MACROD2: variants seen among roughly 807,000 people sequenced by gnomAD.
MACROD2 encodes the protein ADP-ribose glycohydrolase MACROD2.
A neutral mutation model predicts 70.4 loss-of-function variants in MACROD2; 36 were observed. The observed-to-expected ratio is 0.51, with a 90% confidence interval of 0.39 to 0.68. The LOEUF (loss-of-function observed/expected upper bound fraction) is 0.68, where lower values mean the gene tolerates loss of function less well. Ranked by LOEUF, MACROD2 falls within the 30% of genes least tolerant of loss-of-function variation. The probability of loss-of-function intolerance (pLI) is 0.00; values close to 1 mark genes in which losing one functional copy is unlikely to be tolerated. For missense variants in MACROD2, 496 were observed against 538.4 expected (o/e 0.92, Z 0.78); for synonymous variants, 172 against 178.8 (o/e 0.96, Z 0.30).
intron 5 of MACROD2, among the ~76,000 whole-genome samples, chr20:15,180,866 T>G (rs922377369): frequency 2.0e-5 from 3 of 152,232 alleles, no homozygotes; most frequent in Non-Finnish European, 2.9e-5. Context: ...TTTTTTCTAG[T>G]TATAATCATC....
chr20:15,507,568 C>T (rs1244006630), intron 8 of MACROD2, among the ~76,000 whole-genome samples: 3 of 151,114 alleles, frequency 2.0e-5, no homozygotes, highest in Non-Finnish European at 4.4e-5. Context: ...CAGACAATCC[C>T]TTATCACTCT....
chr20:15,280,397 A>G (rs149861400), intron 6 of MACROD2, among the ~76,000 whole-genome samples: 1 of 152,198 alleles, frequency 6.6e-6, no homozygotes, highest in Non-Finnish European at 1.5e-5. Context: ...TTCTGCAGAC[A>G]TCTCAGTTAA....
Position 15,844,688 on chromosome 20 carries a change from A to T in MACROD2, c.646-18057A>T, listed in dbSNP as rs79270168. On this transcript the variant is annotated intron_variant, in intron 8 of 17. Transcript: ENST00000684519. ...AAACAAGACAATTTCTGTCGTACAC[A>T]TCCTGTGTCCTTCTCAACCCCCACC... Among the ~76,000 whole-genome samples, 390 of 152,246 alleles carry T rather than the reference A, an allele frequency of 2.6e-3. 1 individual carries two copies. The highest frequency in any genetic ancestry group is 9.1e-3 in the African/African-American group (378 of 41,564).
chr20:15,303,156 T>C (rs939713019), intron 6 of MACROD2, among the ~76,000 whole-genome samples: 3 of 152,200 alleles, frequency 2.0e-5, no homozygotes, highest in African/African-American at 7.2e-5. Context: ...GCAAACTAAT[T>C]TTTCTCTTTG....
chr20:15,494,764 C>T (rs2145011), intron 7 of MACROD2, among the ~76,000 whole-genome samples: 32,220 of 85,516 alleles, frequency 0.38, 4,319 homozygotes, highest in African/African-American at 0.45. Context: ...TGTGTGTGTG[C>T]GCGTGTGTGT....
At chr20:15,385,992 T>TA (rs1190582860) in intron 6 of MACROD2, among the ~76,000 whole-genome samples, 1 of 152,162 alleles carries the variant, frequency 6.6e-6, no homozygotes, top group East Asian at 1.9e-4. Context: ...TGAAAACTGA[T>TA]ACTTGAGGGT....
chr20:15,782,717 CAAAAAAAAAA>C (rs11472322), intron 8 of MACROD2, among the ~76,000 whole-genome samples: 7 of 83,358 alleles, frequency 8.4e-5, no homozygotes, highest in Non-Finnish European at 2.4e-5. Flanking sequence ...AGAGAAATGG[CAAAAAAAAAA>C]AAAAAAAAAA....
chr20:15,026,395 T>C (rs1030264484), intron 5 of MACROD2, among the ~76,000 whole-genome samples: 3 of 152,126 alleles, frequency 2.0e-5, no homozygotes, highest in Admixed American at 2.0e-4. Context: ...ATTTCCACAC[T>C]AATTTAAAAT....
intron 8 of MACROD2, among the ~76,000 whole-genome samples, chr20:15,812,844 A>G (rs755485823): frequency 1.3e-5 from 2 of 152,206 alleles, no homozygotes; most frequent in Non-Finnish European, 2.9e-5. Context: ...TTCTAGAGCC[A>G]CATTTTTTAC....
At chr20:15,879,863 G>A (rs1379477947) in intron 9 of MACROD2, among the ~76,000 whole-genome samples, 16 of 152,148 alleles carry the variant, frequency 1.1e-4, no homozygotes, top group East Asian at 9.7e-4. Flanking sequence ...GGAACCAACC[G>A]TGTAGTTGTA....
At chr20:15,839,672 A>G (rs1030281353) in intron 8 of MACROD2, among the ~76,000 whole-genome samples, 3 of 152,154 alleles carry the variant, frequency 2.0e-5, no homozygotes, top group African/African-American at 4.8e-5. Flanking sequence ...TCAGCTGACC[A>G]CATATCATCT....
chr20:14,793,987 G>T (rs555793275), intron 5 of MACROD2, among the ~76,000 whole-genome samples: 1 of 152,160 alleles, frequency 6.6e-6, no homozygotes, highest in Non-Finnish European at 1.5e-5. Flanking sequence ...ATCTAACAGG[G>T]AGCCAGCTGT....
chr20:15,655,842 T>C (rs1158270194), intron 8 of MACROD2, among the ~76,000 whole-genome samples: 1 of 152,202 alleles, frequency 6.6e-6, no homozygotes, highest in Non-Finnish European at 1.5e-5. Context: ...GGTGTATATC[T>C]TATGTAAATA....
chr20:14,405,500 G>A (rs1269759201), intron 3 of MACROD2, among the ~76,000 whole-genome samples: 2 of 152,156 alleles, frequency 1.3e-5, no homozygotes, highest in African/African-American at 4.8e-5. Flanking sequence ...GGCTATTGGA[G>A]GACTTTGTCC....
intron 5 of MACROD2, among the ~76,000 whole-genome samples, chr20:15,029,181 G>A (rs920807784): frequency 2.0e-5 from 3 of 152,062 alleles, no homozygotes; most frequent in South Asian, 2.1e-4. Flanking sequence ...TAACTGCCAC[G>A]CCTCCTCTCC....
At position 15,824,176 on chromosome 20, in the gene MACROD2, G is replaced by A. The variant is rs2063971651; in HGVS notation, c.646-38569G>A. ...AGTTACTCTTACCAAGCTGGGGGTT[G>A]GGGAGAATTGATTTAATTTTGGTGA... On this transcript the variant is annotated intron_variant, in intron 8 of 17. Coordinates refer to ENST00000684519, the MANE Select transcript of MACROD2 (RefSeq NM_001351661.2). Among the ~76,000 whole-genome samples the A allele has an allele frequency of 2.0e-5, 3 of 152,006 alleles. No homozygotes were observed. The South Asian group carries it at 6.2e-4, about 32-fold the overall frequency.
chr20:14,647,354 G>A (rs1985449201), intron 4 of MACROD2, among the ~76,000 whole-genome samples: 1 of 152,112 alleles, frequency 6.6e-6, no homozygotes, highest in African/African-American at 2.4e-5. Flanking sequence ...TTTGGCAGAG[G>A]CAGAAATCTC....
chr20:14,441,086 G>A (rs1298436963), intron 3 of MACROD2, among the ~76,000 whole-genome samples: 1 of 152,180 alleles, frequency 6.6e-6, no homozygotes, highest in African/African-American at 2.4e-5. Flanking sequence ...ATTTATGTCT[G>A]TACATCTTTT....
chr20:14,269,280 T>C (rs762196335), intron 3 of MACROD2, among the ~76,000 whole-genome samples: 6 of 152,194 alleles, frequency 3.9e-5, no homozygotes, highest in Non-Finnish European at 7.3e-5. Flanking sequence ...TAGTGACTTT[T>C]AATTTGGAAA....
Sources: allele counts gnomAD v4.1 joint callset (sites outside exome capture counted in the v4.1 genomes callset), GRCh38; gene constraint gnomAD v4.1.1; transcripts MANE v1.5; gene names NCBI Gene and HGNC (gene_info 2026-07-23, HGNC 2026-07-21).